Variants in PPP2CB observed in about 807,000 individuals in gnomAD.
PPP2CB encodes protein phosphatase 2 catalytic subunit beta, also known as serine/threonine-protein phosphatase 2A catalytic subunit beta isoform.
In PPP2CB, 18 loss-of-function variants were observed where a neutral mutation model predicts 39.1. The ratio of observed to expected loss-of-function variants is 0.46; its 90% CI spans 0.32 to 0.68. The LOEUF is 0.68. Ranked by LOEUF, PPP2CB falls within the 30% of genes least tolerant of loss-of-function variation. The pLI is 0.04. For missense variants in PPP2CB, 226 were observed against 396.9 expected (o/e 0.57, Z 3.66); for synonymous variants, 129 against 133.8 (o/e 0.96, Z 0.25).
chr8:30,812,444 T>A lies in PPP2CB; in HGVS notation c.-23A>T. 2 of 1,493,874 alleles carry A rather than the reference T, an allele frequency of 1.3e-6. No individual in the cohort carries two copies. Among genetic ancestry groups the A allele is most frequent in the African/African-American group, 1.4e-5 (1 of 69,436 alleles). 92.5% of individuals were successfully genotyped at this position (1,493,874 alleles called of 1,614,324 possible). A position where few individuals can be genotyped will look rare whatever the true frequency, so the allele number is the denominator to read the frequency against. On this transcript the variant is annotated 5_prime_UTR_variant, in exon 1 of 7. Transcript: ENST00000221138. ...CATGGCGGCCCGATCCCGATGCGGA[T>A]CCCGAGCCCCAGCCCGGCCGCCGCC... is the stretch of plus-strand genomic sequence containing the variant.
intron 1 of PPP2CB, among the ~76,000 whole-genome samples, chr8:30,810,771 ATAGT>A (rs1198513702): frequency 1.3e-5 from 2 of 152,226 alleles, no homozygotes; most frequent in Non-Finnish European, 2.9e-5. Flanking sequence ...GTGTTAACAA[ATAGT>A]TACTTAATAC....
intron 1 of PPP2CB, among the ~76,000 whole-genome samples, chr8:30,805,739 G>A (rs1055769687): frequency 7.9e-5 from 12 of 152,106 alleles, no homozygotes; most frequent in East Asian, 3.8e-4. Context: ...ACATAAAAAC[G>A]ATTGTCTTTG....
At chr8:30,803,908 C>T (rs1806673608) in intron 1 of PPP2CB, among the ~76,000 whole-genome samples, 3 of 151,906 alleles carry the variant, frequency 2.0e-5, no homozygotes, top group Admixed American at 6.6e-5. Context: ...CTGCAACCTC[C>T]GCCTCCTGGA....
chr8:30,812,184 G>T, intron 1 of PPP2CB, 136 bp downstream of exon 1: 1 of 477,814 alleles, frequency 2.1e-6, no homozygotes. Context: ...CTAGGTGGAC[G>T]CCGGAGCCGG....
intron 1 of PPP2CB, among the ~76,000 whole-genome samples, chr8:30,802,251 T>C (rs1175534433): frequency 6.6e-6 from 1 of 152,216 alleles, no homozygotes. Flanking sequence ...CTTCAGTTTC[T>C]TTTCCTGAGA....
chr8:30,807,425 C>A (rs980689688), intron 1 of PPP2CB, among the ~76,000 whole-genome samples: 1 of 152,212 alleles, frequency 6.6e-6, no homozygotes, highest in Non-Finnish European at 1.5e-5. Context: ...GGAATGAAGT[C>A]ATATCCTAAA....
At chr8:30,799,502 C>T in intron 2 of PPP2CB, 44 bp downstream of exon 2, 1 of 1,516,460 alleles carries the variant, frequency 6.6e-7, no homozygotes, top group Non-Finnish European at 9.1e-7. Flanking sequence ...TGCCTTTTGC[C>T]TGGTTTAAAT....
At chr8:30,791,982 A>G (rs947432169) in intron 5 of PPP2CB, among the ~76,000 whole-genome samples, 1 of 149,030 alleles carries the variant, frequency 6.7e-6, no homozygotes, top group Non-Finnish European at 1.5e-5. Context: ...ATATGTGTAT[A>G]TATACGTGTG....
intron 6 of PPP2CB, among the ~76,000 whole-genome samples, chr8:30,787,980 T>C (rs992837577): frequency 6.6e-6 from 1 of 152,222 alleles, no homozygotes; most frequent in Non-Finnish European, 1.5e-5. Context: ...TGCTGGCATA[T>C]AGTTATTTAT....
At position 30,797,522 on chromosome 8, in the gene PPP2CB, A is replaced by G. The variant is rs551160653; in HGVS notation, c.486+59T>C. On this transcript the variant is annotated intron_variant, in intron 3 of 6. Coordinates refer to ENST00000221138, the MANE Select transcript of PPP2CB (RefSeq NM_001009552.2). Reference sequence around the variant, plus strand: ...ATATGAATCTAGACCCCAGCTTACCAATAGTCAATCTCTGCTTCCATTTAC... The same window carrying G: ...ATATGAATCTAGACCCCAGCTTACCGATAGTCAATCTCTGCTTCCATTTAC... The G allele has an allele frequency of 2.5e-4, 363 of 1,476,494 alleles. No homozygotes were observed. In the African/African-American group the frequency reaches 3.8e-3, roughly 16 times the overall value. The allele number at this position is 1,476,494 out of a possible 1,614,324, so 91.5% of individuals were successfully genotyped here.
chr8:30,799,463 A>G, intron 2 of PPP2CB, 83 bp downstream of exon 2: 2 of 1,161,984 alleles, frequency 1.7e-6, no homozygotes, highest in Non-Finnish European at 2.5e-6. Flanking sequence ...ACAGACCATA[A>G]AACAGATGAT....
intron 1 of PPP2CB, among the ~76,000 whole-genome samples, chr8:30,800,739 C>CTGGGCCTTATTCTGGGCCTTAT (rs1806607400): frequency 1.3e-5 from 2 of 152,188 alleles, no homozygotes; most frequent in African/African-American, 2.4e-5. Flanking sequence ...AGAAGAGACT[C>CTGGGCCTTATTCTGGGCCTTAT]TCAGGCCTTA....
chr8:30,798,468 C>T (rs750411837), intron 2 of PPP2CB, among the ~76,000 whole-genome samples: 30 of 152,320 alleles, frequency 2.0e-4, no homozygotes, highest in Non-Finnish European at 3.2e-4. Context: ...CAGATCTACA[C>T]AAGTACAGTC....
At chr8:30,799,830 A>G (rs1382088657) in intron 1 of PPP2CB, 75 bp from the exon 2 acceptor site, 2 of 1,342,688 alleles carry the variant, frequency 1.5e-6, no homozygotes, top group Non-Finnish European at 2.1e-6. Flanking sequence ...AATTTGGGGA[A>G]AAAAACACTT....
At chr8:30,803,068 ATC>A (rs1586126421) in intron 1 of PPP2CB, among the ~76,000 whole-genome samples, 2 of 152,250 alleles carry the variant, frequency 1.3e-5, no homozygotes, top group East Asian at 1.9e-4. Context: ...GCTAGCAAAA[ATC>A]TCTTTCTGTA....
intron 1 of PPP2CB, among the ~76,000 whole-genome samples, chr8:30,808,743 A>G (rs551041427): frequency 1.3e-5 from 2 of 152,274 alleles, no homozygotes; most frequent in East Asian, 3.9e-4. Flanking sequence ...AGGGTTCTAT[A>G]GCCACTATAT....
At chr8:30,786,824 C>T (rs910007960) in intron 6 of PPP2CB, among the ~76,000 whole-genome samples, 43 of 141,786 alleles carry the variant, frequency 3.0e-4, no homozygotes, top group African/African-American at 1.1e-3. Context: ...TTACCATGCC[C>T]GGCTAATTTT....
chr8:30,794,908 A>C (rs1806494467), intron 3 of PPP2CB, among the ~76,000 whole-genome samples: 1 of 152,210 alleles, frequency 6.6e-6, no homozygotes, highest in African/African-American at 2.4e-5. Flanking sequence ...GTCATTTGCA[A>C]AACTATTTTT....
At chr8:30,805,477 A>ACT (rs1806705944) in intron 1 of PPP2CB, among the ~76,000 whole-genome samples, 1 of 152,098 alleles carries the variant, frequency 6.6e-6, no homozygotes, top group Admixed American at 6.6e-5. Context: ...GGTGAATGGC[A>ACT]TGAACCCGGT....
Sources: allele counts gnomAD v4.1 joint callset (sites outside exome capture counted in the v4.1 genomes callset), GRCh38; gene constraint gnomAD v4.1.1; transcripts MANE v1.5; gene names NCBI Gene and HGNC (gene_info 2026-07-23, HGNC 2026-07-21).